Variants in PABPC4L observed in about 807,000 individuals in gnomAD.
PABPC4L encodes poly(A) binding protein cytoplasmic 4 like.
For missense variants in PABPC4L, 452 were observed against 451.4 expected, an observed-to-expected ratio of 1.00 and a Z score of -0.01; for synonymous variants, 169 against 164.1, an observed-to-expected ratio of 1.03 and a Z score of -0.23.
the PABPC4L span, among the ~76,000 whole-genome samples, chr4:134,108,913 A>C: frequency 1.3e-5 from 2 of 152,070 alleles, no homozygotes; most frequent in African/African-American, 4.8e-5. Flanking sequence ...GTTCAGAAGA[A>C]ATCCTTGACT....
chr4:134,122,694 A>G, the PABPC4L span, among the ~76,000 whole-genome samples: 1 of 151,874 alleles, frequency 6.6e-6, no homozygotes, highest in South Asian at 2.1e-4. Context: ...AATTTAAAAT[A>G]TTATCTAAAG....
the PABPC4L span, among the ~76,000 whole-genome samples, chr4:134,091,278 C>A: frequency 6.6e-6 from 1 of 151,446 alleles, no homozygotes; most frequent in Non-Finnish European, 1.5e-5. Flanking sequence ...CTGTAATTGA[C>A]TTCTTTATAT....
the PABPC4L span, among the ~76,000 whole-genome samples, chr4:133,954,438 A>T: frequency 8.1e-4 from 124 of 152,296 alleles, no homozygotes; most frequent in African/African-American, 2.9e-3. Context: ...AGCCAAACAT[A>T]GGCCAAAAGA....
downstream of PABPC4L, among the ~76,000 whole-genome samples, chr4:134,192,525 TA>T (rs1729538675): frequency 6.6e-6 from 1 of 152,252 alleles, no homozygotes; most frequent in Admixed American, 6.5e-5. Flanking sequence ...AAATTTATAC[TA>T]TCTGAATTAT....
chr4:134,071,769 C>T, the PABPC4L span, among the ~76,000 whole-genome samples: 1 of 152,118 alleles, frequency 6.6e-6, no homozygotes, highest in African/African-American at 2.4e-5. Flanking sequence ...TTTAGAGAAC[C>T]AGGAAGTGAA....
the PABPC4L span, among the ~76,000 whole-genome samples, chr4:134,120,259 G>A: frequency 5.1e-5 from 4 of 78,152 alleles, no homozygotes; most frequent in Non-Finnish European, 8.9e-5. Context: ...TTTGTTCTTT[G>A]GTTTTTTTTT....
chr4:134,164,953 A>G, the PABPC4L span, among the ~76,000 whole-genome samples: 8 of 152,184 alleles, frequency 5.3e-5, no homozygotes, highest in Non-Finnish European at 8.8e-5. Flanking sequence ...ATGGAACAGA[A>G]TAAATAACTC....
At chr4:134,076,275 G>C in the PABPC4L span, among the ~76,000 whole-genome samples, 13 of 152,174 alleles carry the variant, frequency 8.5e-5, no homozygotes, top group Non-Finnish European at 1.2e-4. Context: ...GTTTAGAAGA[G>C]AGGCTGGGTT....
chr4:134,110,305 T>A, the PABPC4L span, among the ~76,000 whole-genome samples: 1 of 152,060 alleles, frequency 6.6e-6, no homozygotes, highest in Non-Finnish European at 1.5e-5. Context: ...AAAACTGCCA[T>A]TTTAACTAAG....
chr4:134,091,158 T>C, the PABPC4L span, among the ~76,000 whole-genome samples: 77 of 152,228 alleles, frequency 5.1e-4, no homozygotes, highest in African/African-American at 1.8e-3. Context: ...TCCTTTTCAT[T>C]GATTCAAACT....
At chr4:134,019,560 A>G in the PABPC4L span, among the ~76,000 whole-genome samples, 7 of 152,282 alleles carry the variant, frequency 4.6e-5, no homozygotes, top group African/African-American at 1.4e-4. Context: ...ATCGGTAGCT[A>G]TAAGTTATAG....
the PABPC4L span, among the ~76,000 whole-genome samples, chr4:134,064,811 T>A: frequency 6.6e-6 from 1 of 152,032 alleles, no homozygotes; most frequent in Non-Finnish European, 1.5e-5. Context: ...CCGTATGTAC[T>A]CAATGTTTAG....
chr4:134,116,542 C>A, the PABPC4L span, among the ~76,000 whole-genome samples: 8 of 151,800 alleles, frequency 5.3e-5, no homozygotes. Context: ...TAATGACCAA[C>A]TGAAATTTAA....
the PABPC4L span, among the ~76,000 whole-genome samples, chr4:134,177,676 G>A: frequency 6.6e-6 from 1 of 152,014 alleles, no homozygotes; most frequent in Admixed American, 6.6e-5. Flanking sequence ...AACTCATCTG[G>A]TAAGCACATC....
the PABPC4L span, among the ~76,000 whole-genome samples, chr4:134,055,386 G>T: frequency 2.0e-5 from 3 of 151,792 alleles, no homozygotes; most frequent in African/African-American, 7.3e-5. Flanking sequence ...CTCTGTCCCT[G>T]AACTGCACAG....
chr4:133,955,914 C>T, the PABPC4L span, among the ~76,000 whole-genome samples: 1 of 152,048 alleles, frequency 6.6e-6, no homozygotes, highest in South Asian at 2.1e-4. Flanking sequence ...TTTCATTTAA[C>T]CCCTGGTTAT....
chr4:134,117,778 G>A, the PABPC4L span, among the ~76,000 whole-genome samples: 1 of 151,718 alleles, frequency 6.6e-6, no homozygotes. Context: ...CAACAACAAA[G>A]TTAGCCCATC....
the PABPC4L span, among the ~76,000 whole-genome samples, chr4:134,078,323 G>C: frequency 6.6e-6 from 1 of 152,096 alleles, no homozygotes; most frequent in African/African-American, 2.4e-5. Flanking sequence ...ACAGACGTGG[G>C]CTGCTTTCTT....
chr4:134,148,557 A>G, the PABPC4L span, among the ~76,000 whole-genome samples: 1 of 152,022 alleles, frequency 6.6e-6, no homozygotes, highest in East Asian at 1.9e-4. Flanking sequence ...GACAAATTAT[A>G]CTTTCATGCC....
Sources: gnomAD v4.1 joint callset for allele counts (sites outside exome capture counted in the v4.1 genomes callset) on GRCh38, gnomAD v4.1.1 for gene constraint, MANE v1.5 for transcripts, NCBI Gene and HGNC (gene_info 2026-07-23, HGNC 2026-07-21) for gene names.